GRM1: variants seen among roughly 807,000 people sequenced by gnomAD.
GRM1 encodes metabotropic glutamate receptor 1.
In GRM1, 33 loss-of-function variants were observed where a neutral mutation model predicts 90.9. The observed-to-expected ratio is 0.36, with a 90% CI of 0.28 to 0.49. The LOEUF is 0.49. Ranked by LOEUF, GRM1 falls within the 20% of genes least tolerant of loss-of-function variation. The pLI, the probability that GRM1 is intolerant of heterozygous loss-of-function variation, is 0.99. For synonymous variants in GRM1, 700 were observed against 613.2 expected (o/e 1.14, Z -2.09); for missense variants, 1,190 against 1,534.3 (o/e 0.78, Z 3.75).
intron 1 of GRM1, among the ~76,000 whole-genome samples, chr6:146,153,796 A>G (rs1034666223): frequency 6.6e-6 from 1 of 152,244 alleles, no homozygotes; most frequent in Non-Finnish European, 1.5e-5. Flanking sequence ...TAAAAGTTGA[A>G]CAGCAACAAC....
intron 1 of GRM1, among the ~76,000 whole-genome samples, chr6:146,072,218 A>G (rs1191103127): frequency 1.3e-5 from 2 of 152,198 alleles, no homozygotes; most frequent in Non-Finnish European, 2.9e-5. Context: ...GTATACATTA[A>G]GAGATACTTC....
chr6:146,233,630 A>G (rs994769518), intron 2 of GRM1, among the ~76,000 whole-genome samples: 2 of 152,016 alleles, frequency 1.3e-5, no homozygotes, highest in African/African-American at 4.8e-5. Flanking sequence ...TCTGTTACTA[A>G]TTTCTAGTTT....
chr6:146,304,914 T>C, intron 3 of GRM1, 68 bp downstream of exon 3: 1 of 1,089,040 alleles, frequency 9.2e-7, no homozygotes, highest in South Asian at 1.3e-5. Flanking sequence ...TGCAACTTGT[T>C]GAATGAGAAT....
At chr6:146,069,374 T>C (rs973701694) in intron 1 of GRM1, among the ~76,000 whole-genome samples, 1 of 152,174 alleles carries the variant, frequency 6.6e-6, no homozygotes, top group African/African-American at 2.4e-5. Context: ...TTTCAAAAAA[T>C]CTTCTAAAGT....
chr6:146,314,555 C>T (rs1783898687), intron 3 of GRM1, among the ~76,000 whole-genome samples: 1 of 152,088 alleles, frequency 6.6e-6, no homozygotes, highest in African/African-American at 2.4e-5. Context: ...GTAATGGCTG[C>T]ATCATGTGGT....
intron 3 of GRM1, among the ~76,000 whole-genome samples, chr6:146,328,716 C>A (rs1199329182): frequency 6.6e-6 from 1 of 151,944 alleles, no homozygotes; most frequent in Non-Finnish European, 1.5e-5. Context: ...CATAAGGTTC[C>A]CCTCGTATTT....
chr6:146,187,719 A>G lies in GRM1; in HGVS notation c.950+28122A>G, dbSNP rs73573200. Among the ~76,000 whole-genome samples the G allele has an allele frequency of 9.9e-3, 1,493 of 150,262 alleles. 33 individuals are homozygous for G. The highest frequency in any genetic ancestry group is 0.035 in the African/African-American group (1,388 of 40,168). ...CTAACAAACAAGAAGAAAAATATCT[A>G]CAACAACTAGGCACAAAACATATAT... On this transcript the variant is annotated intron_variant, in intron 2 of 7. Coordinates refer to ENST00000282753, the MANE Select transcript of GRM1 (RefSeq NM_001278064.2).
chr6:146,101,439 A>G lies in GRM1; in HGVS notation c.701-57909A>G, dbSNP rs60025405. ...TGAACCCATTATGTACCCATTGTTA[A>G]AAGCCCTTCAGTAGCTCCCTATATA... On this transcript the variant is annotated intron_variant, in intron 1 of 7. Transcript: ENST00000282753. Among the ~76,000 whole-genome samples the G allele has an allele frequency of 1.0e-2, 1,517 of 152,280 alleles. 22 individuals are homozygous for G. Among genetic ancestry groups the G allele is most frequent in the African/African-American group, 0.035 (1,440 of 41,550 alleles).
chr6:146,315,239 T>C lies in GRM1; in HGVS notation c.1186+10393T>C, dbSNP rs146688564. Among the ~76,000 whole-genome samples the C allele has an allele frequency of 5.7e-3, 871 of 152,092 alleles. 4 individuals carry two copies. The highest frequency in any genetic ancestry group is 0.01 in the Middle Eastern group (3 of 294). On this transcript the variant is annotated intron_variant, in intron 3 of 7. Transcript: ENST00000282753. Reference sequence around the variant, plus strand: ...ACATGGAAAAATGCCATAGAAACAATCTAAATAGATACTAACATGCACCTG... The same window carrying C: ...ACATGGAAAAATGCCATAGAAACAACCTAAATAGATACTAACATGCACCTG...
At chr6:146,170,735 G>A (rs1007881488) in intron 2 of GRM1, among the ~76,000 whole-genome samples, 3 of 151,474 alleles carry the variant, frequency 2.0e-5, no homozygotes, top group African/African-American at 7.3e-5. Flanking sequence ...ATTTATAATA[G>A]ATACTTTTAA....
In GRM1 at chr6:146,268,714, C is replaced by T. The variant is rs192763971; in HGVS notation, c.951-35897C>T. On this transcript the variant is annotated intron_variant, in intron 2 of 7. Transcript: ENST00000282753. ...TGTCAACTGGATATGACCTTTCTGACCTTGCAGCCCCTGCAGTACTTCAGT... is the reference window on the plus strand; with the variant it reads ...TGTCAACTGGATATGACCTTTCTGATCTTGCAGCCCCTGCAGTACTTCAGT... 2.0e-5 allele frequency among the ~76,000 whole-genome samples: 3 copies of T among 152,324 alleles called. No homozygotes were observed. In the East Asian group the frequency reaches 5.8e-4, roughly 29 times the overall value.
At chr6:146,184,770 T>C (rs561998768) in intron 2 of GRM1, among the ~76,000 whole-genome samples, 4 of 152,314 alleles carry the variant, frequency 2.6e-5, no homozygotes, top group African/African-American at 9.6e-5. Context: ...CTCATCCTCA[T>C]GCAGGGATGT....
intron 2 of GRM1, among the ~76,000 whole-genome samples, chr6:146,204,795 A>G (rs886401347): frequency 6.6e-6 from 1 of 152,184 alleles, no homozygotes; most frequent in African/African-American, 2.4e-5. Context: ...CAGCAGGGGC[A>G]CTTTTGTGCA....
At chr6:146,247,895 A>G (rs1343357691) in intron 2 of GRM1, among the ~76,000 whole-genome samples, 2 of 148,968 alleles carry the variant, frequency 1.3e-5, no homozygotes, top group South Asian at 2.1e-4. Context: ...ACAGTATGCT[A>G]TATCACTAAT....
chr6:146,416,684 G>A (rs368565536), intron 7 of GRM1, among the ~76,000 whole-genome samples: 76 of 152,224 alleles, frequency 5.0e-4, no homozygotes, highest in African/African-American at 1.8e-3. Flanking sequence ...GATGTGGACT[G>A]TGGTTTTATA....
intron 2 of GRM1, among the ~76,000 whole-genome samples, chr6:146,215,178 A>C (rs1488758262): frequency 6.6e-6 from 1 of 152,228 alleles, no homozygotes; most frequent in African/African-American, 2.4e-5. Flanking sequence ...CTGGCTTTCC[A>C]GAGTAACCAA....
chr6:146,323,859 C>A (rs1784298939), intron 3 of GRM1, among the ~76,000 whole-genome samples: 3 of 152,274 alleles, frequency 2.0e-5, no homozygotes, highest in Middle Eastern at 6.8e-3. Flanking sequence ...ATCCTTTCCC[C>A]ATTGCTTGTT....
chr6:146,361,622 T>A (rs1315551782), intron 5 of GRM1, among the ~76,000 whole-genome samples: 1 of 152,158 alleles, frequency 6.6e-6, no homozygotes, highest in Non-Finnish European at 1.5e-5. Context: ...CAGACATCAT[T>A]TCAATTACTC....
intron 2 of GRM1, among the ~76,000 whole-genome samples, chr6:146,166,572 G>T (rs1035484119): frequency 5.3e-5 from 8 of 152,088 alleles, no homozygotes; most frequent in Admixed American, 1.3e-4. Flanking sequence ...TATTTCCTGT[G>T]TTGGTGTCTT....
Sources: allele counts gnomAD v4.1 joint callset (sites outside exome capture counted in the v4.1 genomes callset), GRCh38; gene constraint gnomAD v4.1.1; transcripts MANE v1.5; gene names NCBI Gene and HGNC (gene_info 2026-07-23, HGNC 2026-07-21).